ITGA8: variants seen among roughly 807,000 people sequenced by gnomAD.
ITGA8 encodes the protein integrin subunit alpha 8.
In ITGA8, 91 loss-of-function variants were observed where a neutral mutation model predicts 142.3. The ratio of observed to expected loss-of-function variants is 0.64; its 90% confidence interval spans 0.54 to 0.76. The LOEUF (loss-of-function observed/expected upper bound fraction) is 0.76. Among genes scored for constraint, ITGA8 ranks in the 30% least tolerant of loss-of-function variants. The pLI, the probability that ITGA8 is intolerant of heterozygous loss-of-function variation, is 0.00. For missense variants in ITGA8, 1,406 were observed against 1,327.7 expected (o/e 1.06, Z -0.92); for synonymous variants, 505 against 485.2 (o/e 1.04, Z -0.54).
chr10:15,539,126 T>C (rs1254156303), intron 27 of ITGA8, among the ~76,000 whole-genome samples: 1 of 152,124 alleles, frequency 6.6e-6, no homozygotes, highest in African/African-American at 2.4e-5. Flanking sequence ...CTTCTTCCAT[T>C]TCAACTACAG....
chr10:15,617,353 G>A (rs1354877124), intron 13 of ITGA8, among the ~76,000 whole-genome samples: 1 of 151,946 alleles, frequency 6.6e-6, no homozygotes, highest in East Asian at 1.9e-4. Context: ...AGGGGGAATG[G>A]TCACAATTAT....
At chr10:15,557,584 C>T (rs886246954) in intron 26 of ITGA8, among the ~76,000 whole-genome samples, 1 of 152,132 alleles carries the variant, frequency 6.6e-6, no homozygotes, top group Admixed American at 6.5e-5. Flanking sequence ...AACCCTTGGC[C>T]TCAAGGGATC....
chr10:15,532,640 A>C (rs1164320404), intron 27 of ITGA8, among the ~76,000 whole-genome samples: 1 of 151,946 alleles, frequency 6.6e-6, no homozygotes, highest in Non-Finnish European at 1.5e-5. Context: ...TGCTTGGAGA[A>C]CTGAAGCTTC....
chr10:15,544,301 C>CA lies in ITGA8; in HGVS notation c.2880+4153dup, dbSNP rs372332312. Among the ~76,000 whole-genome samples, 858 of 148,390 alleles carry CA rather than the reference C, an allele frequency of 5.8e-3. 25 individuals carry two copies. In the East Asian group the frequency reaches 0.086, roughly 15 times the overall value. ...TGACATAGTGAGACCCTGTCTCTAC[C>CA]AAAAAAAAACAAAACAAAACAACAA... is the stretch of plus-strand genomic sequence containing the variant. On this transcript the variant is annotated intron_variant, in intron 27 of 29. Coordinates refer to ENST00000378076, the MANE Select transcript of ITGA8 (RefSeq NM_003638.3).
At chr10:15,710,788 G>T (rs1035910742) in intron 2 of ITGA8, among the ~76,000 whole-genome samples, 131 of 152,300 alleles carry the variant, frequency 8.6e-4, no homozygotes, top group African/African-American at 3.0e-3. Context: ...CAGGAGATTG[G>T]CTTCCACTGC....
chr10:15,539,496 C>T (rs1385039069), intron 27 of ITGA8, among the ~76,000 whole-genome samples: 1 of 152,034 alleles, frequency 6.6e-6, no homozygotes, highest in African/African-American at 2.4e-5. Flanking sequence ...CCAGTATGAC[C>T]CAATACTGCG....
chr10:15,681,356 G>C (rs879305875), intron 4 of ITGA8, among the ~76,000 whole-genome samples: 2 of 152,162 alleles, frequency 1.3e-5, no homozygotes, highest in Admixed American at 1.3e-4. Context: ...CGTAGGAATA[G>C]GGAGACCAGG....
intron 2 of ITGA8, among the ~76,000 whole-genome samples, chr10:15,693,435 CATGTTAGTAG>C (rs1834970476): frequency 6.6e-6 from 1 of 152,112 alleles, no homozygotes; most frequent in Non-Finnish European, 1.5e-5. Flanking sequence ...TACATTTTGA[CATGTTAGTAG>C]AAAATCATGA....
intron 13 of ITGA8, among the ~76,000 whole-genome samples, chr10:15,621,781 C>T (rs547844919): frequency 1.2e-3 from 182 of 152,190 alleles, no homozygotes; most frequent in South Asian, 2.7e-3. Flanking sequence ...GTAGGAGGCT[C>T]GCTTGAGCCC....
At chr10:15,549,923 G>C (rs942442081) in intron 26 of ITGA8, among the ~76,000 whole-genome samples, 1 of 152,254 alleles carries the variant, frequency 6.6e-6, no homozygotes, top group African/African-American at 2.4e-5. Flanking sequence ...AAGGCACGTG[G>C]GTGGACTGTC....
At position 15,605,724 on chromosome 10, in the gene ITGA8, G is replaced by A. The variant is rs1375505777; in HGVS notation, c.1970C>T (p.Pro657Leu). ...TACACATTTAGTTATTTAAACTTAC[G>A]GTCTAGCCGACAGCTTCAAGTCAGG... ...CVPDLKLSAR[P>L]DKHQVIIGDE... Residue 657 changes from proline to leucine, a missense_variant and splice_region_variant, in exon 19 of 30, where the codon CCA becomes CTA. Transcript: ENST00000378076. 5 of 1,610,668 alleles carry A rather than the reference G, an allele frequency of 3.1e-6. 1 individual carries two copies. In the South Asian group the frequency reaches 3.3e-5, roughly 11 times the overall value.
chr10:15,678,926 A>G lies in ITGA8; in HGVS notation c.569-143T>C, dbSNP rs147355351. ...TATGTGTTTTATGTTTATTTTTAAA[A>G]TGTTGTTCAAGTAATTTATTAAACA... On this transcript the variant is annotated intron_variant, in intron 4 of 29. Transcript: ENST00000378076. 140 of 507,056 alleles carry G rather than the reference A, an allele frequency of 2.8e-4. 2 individuals are homozygous for G. The highest frequency in any genetic ancestry group is 2.5e-3 in the African/African-American group (125 of 50,344). 31.4% of individuals were successfully genotyped at this position (507,056 alleles called of 1,614,324 possible).
chr10:15,580,394 C>T (rs1468358216), intron 23 of ITGA8, among the ~76,000 whole-genome samples: 1 of 151,976 alleles, frequency 6.6e-6, no homozygotes, highest in African/African-American at 2.4e-5. Flanking sequence ...AACCTTCGTA[C>T]AAAAAAATCC....
intron 2 of ITGA8, among the ~76,000 whole-genome samples, chr10:15,696,755 G>A (rs567394267): frequency 1.3e-5 from 2 of 149,946 alleles, no homozygotes; most frequent in South Asian, 2.1e-4. Flanking sequence ...CACTTTGGGA[G>A]ACCAAGGCAG....
intron 2 of ITGA8, among the ~76,000 whole-genome samples, chr10:15,703,458 A>G (rs1835201978): frequency 6.6e-6 from 1 of 152,244 alleles, no homozygotes; most frequent in South Asian, 2.1e-4. Flanking sequence ...TGGTCAGGAA[A>G]TACCTATGGA....
At position 15,695,543 on chromosome 10, in the gene ITGA8, A is replaced by G. The variant is rs114756682; in HGVS notation, c.344-7505T>C. Among the ~76,000 whole-genome samples the G allele has an allele frequency of 8.4e-3, 1,280 of 152,328 alleles. 16 individuals are homozygous for G. The highest frequency in any genetic ancestry group is 0.029 in the African/African-American group (1,209 of 41,578). ...CAGTACTATGTCAACCTAGTGCTCA[A>G]TGAAACTATGATGCATGGAGGATGT... On this transcript the variant is annotated intron_variant, in intron 2 of 29. Transcript: ENST00000378076.
At chr10:15,717,059 T>G (rs897573631) in intron 2 of ITGA8, among the ~76,000 whole-genome samples, 1 of 152,242 alleles carries the variant, frequency 6.6e-6, no homozygotes, top group Admixed American at 6.5e-5. Flanking sequence ...TTTTAATCTG[T>G]TGGCCTATGA....
At chr10:15,540,823 C>G (rs1588633106) in intron 27 of ITGA8, among the ~76,000 whole-genome samples, 1 of 152,140 alleles carries the variant, frequency 6.6e-6, no homozygotes, top group African/African-American at 2.4e-5. Flanking sequence ...AGGGAAGAAA[C>G]TGGCTGAAGG....
chr10:15,663,630 G>A (rs1413204280), intron 8 of ITGA8, among the ~76,000 whole-genome samples: 1 of 151,788 alleles, frequency 6.6e-6, no homozygotes, highest in African/African-American at 2.4e-5. Context: ...GTGCAGTGGT[G>A]CAATGATGAC....
Sources: gnomAD v4.1 joint callset for allele counts (sites outside exome capture counted in the v4.1 genomes callset) on GRCh38, gnomAD v4.1.1 for gene constraint, MANE v1.5 for transcripts, NCBI Gene and HGNC (gene_info 2026-07-23, HGNC 2026-07-21) for gene names.